SLC16A10: variants seen among roughly 807,000 people sequenced by gnomAD.
SLC16A10 encodes monocarboxylate transporter 10.
In SLC16A10, 27 loss-of-function variants were observed where a neutral mutation model predicts 40.0. The observed-to-expected ratio is 0.67, with a 90% CI of 0.50 to 0.93. SLC16A10 has a LOEUF of 0.93. Among genes scored for constraint, SLC16A10 ranks in the 40% least tolerant of loss-of-function variants. The probability of loss-of-function intolerance (pLI) is 0.00; values close to 1 mark genes in which losing one functional copy is unlikely to be tolerated. For synonymous variants in SLC16A10, 213 were observed against 249.8 expected (o/e 0.85, Z 1.39); for missense variants, 529 against 658.2 (o/e 0.80, Z 2.15).
intron 3 of SLC16A10, chr6:111,193,388 A>C (rs1428783792): frequency 4.6e-6 from 4 of 875,336 alleles, no homozygotes; most frequent in Admixed American, 6.2e-5. Flanking sequence ...GCATTCTCCT[A>C]CTTGAGATGA....
At position 111,168,023 on chromosome 6, in the gene SLC16A10, A is replaced by G. The variant is rs373961345; in HGVS notation, c.344-4672A>G. Among the ~76,000 whole-genome samples the G allele has an allele frequency of 1.4e-4, 21 of 151,028 alleles. 1 individual carries two copies. The East Asian group carries it at 1.8e-3, about 13-fold the overall frequency. ...GAAACAGAGTCTTACTCTCTTGCCCAGGCTGGAATGCAGTGGCACAGTCTC... is the reference window on the plus strand; with the variant it reads ...GAAACAGAGTCTTACTCTCTTGCCCGGGCTGGAATGCAGTGGCACAGTCTC... On this transcript the variant is annotated intron_variant, in intron 1 of 5. Coordinates refer to ENST00000368851, the MANE Select transcript of SLC16A10 (RefSeq NM_018593.5).
At chr6:111,147,029 T>TCTTTCTAATC (rs1406557163) in intron 1 of SLC16A10, among the ~76,000 whole-genome samples, 9 of 152,092 alleles carry the variant, frequency 5.9e-5, no homozygotes, top group African/African-American at 2.2e-4. Context: ...AGTAGATTAG[T>TCTTTCTAATC]AGTTGCCAAG....
intron 3 of SLC16A10, among the ~76,000 whole-genome samples, chr6:111,200,066 T>C (rs1773144499): frequency 6.6e-6 from 1 of 152,064 alleles, no homozygotes; most frequent in African/African-American, 2.4e-5. Flanking sequence ...CTTAATGAAA[T>C]GGAAAGATCT....
intron 1 of SLC16A10, among the ~76,000 whole-genome samples, chr6:111,161,337 A>G (rs1772368560): frequency 6.6e-6 from 1 of 151,606 alleles, no homozygotes. Context: ...AATCCAGTCC[A>G]TGGATTTGCC....
intron 1 of SLC16A10, among the ~76,000 whole-genome samples, chr6:111,096,280 C>T (rs1046947587): frequency 1.4e-4 from 21 of 152,304 alleles, no homozygotes; most frequent in African/African-American, 4.3e-4. Flanking sequence ...GAGTTATCAC[C>T]GCCTAGCTAG....
chr6:111,206,718 A>G lies in SLC16A10; in HGVS notation c.1069A>G (p.Lys357Glu), dbSNP rs1027671028. ...GATTGCAGATTATGTGCCTGGTGTG[A>G]AGAAGGTTTATCTACAGGTACTTTT... ...GRIADYVPGVKKVYLQVLSFF... is the reference protein window; with the variant it reads ...GRIADYVPGVEKVYLQVLSFF... Residue 357 changes from lysine (K) to glutamate (E), a missense_variant, in exon 4 of 6, where the codon AAG (lysine) becomes GAG (glutamate). Physicochemically the swap from Lys to Glu is moderately conservative, Grantham distance 56. Coordinates refer to ENST00000368851, the MANE Select transcript of SLC16A10 (RefSeq NM_018593.5). 1.9e-6 allele frequency: 3 copies of G among 1,613,956 alleles called. No individual in the cohort carries two copies. The African/African-American group carries it at 4.0e-5, about 22-fold the overall frequency.
At chr6:111,195,304 C>T (rs982993182) in intron 3 of SLC16A10, among the ~76,000 whole-genome samples, 6 of 152,122 alleles carry the variant, frequency 3.9e-5, no homozygotes, top group South Asian at 2.1e-4. Flanking sequence ...TGTATGGTTC[C>T]GCTTAGATGA....
At chr6:111,205,944 G>T (rs953522050) in intron 3 of SLC16A10, among the ~76,000 whole-genome samples, 3 of 152,216 alleles carry the variant, frequency 2.0e-5, no homozygotes, top group African/African-American at 7.2e-5. Context: ...AGCAGATAAT[G>T]TAACGGGTCC....
intron 1 of SLC16A10, among the ~76,000 whole-genome samples, chr6:111,142,202 C>T (rs2114504166): frequency 6.6e-6 from 1 of 152,188 alleles, no homozygotes; most frequent in Admixed American, 6.5e-5. Context: ...ATAGAGAGCC[C>T]AGAAATAGAC....
intron 3 of SLC16A10, among the ~76,000 whole-genome samples, chr6:111,200,309 T>C (rs2114576939): frequency 6.6e-6 from 1 of 152,330 alleles, no homozygotes; most frequent in East Asian, 1.9e-4. Flanking sequence ...AAAGGCACAG[T>C]TGATCAGATT....
intron 1 of SLC16A10, among the ~76,000 whole-genome samples, chr6:111,116,873 CAG>C (rs142069403): frequency 0.012 from 1,840 of 152,220 alleles, 26 homozygotes; most frequent in African/African-American, 0.043. Flanking sequence ...AAATGGCAGA[CAG>C]AAGGATGGGG....
intron 1 of SLC16A10, among the ~76,000 whole-genome samples, chr6:111,096,673 A>T (rs531366421): frequency 1.3e-5 from 2 of 152,330 alleles, no homozygotes; most frequent in African/African-American, 4.8e-5. Context: ...GGCTTGCCTT[A>T]TTTTCAAGTA....
At chr6:111,097,187 G>C (rs1424000585) in intron 1 of SLC16A10, among the ~76,000 whole-genome samples, 1 of 152,116 alleles carries the variant, frequency 6.6e-6, no homozygotes, top group Non-Finnish European at 1.5e-5. Flanking sequence ...TGGTACTTCA[G>C]AATTTTGTTG....
chr6:111,169,810 C>A (rs182208352), intron 1 of SLC16A10, among the ~76,000 whole-genome samples: 347 of 152,070 alleles, frequency 2.3e-3, no homozygotes, highest in African/African-American at 7.8e-3. Flanking sequence ...AGTGCTTATT[C>A]AATAGACACA....
chr6:111,194,120 T>TTGAGTTTATAGGCTAGC, intron 3 of SLC16A10, among the ~76,000 whole-genome samples: 1 of 152,294 alleles, frequency 6.6e-6, no homozygotes, highest in East Asian at 1.9e-4. Flanking sequence ...TGATTTCAGG[T>TTGAGTTTATAGGCTAGC]TGAGTTTATA....
At chr6:111,180,288 A>C (rs549565630) in intron 3 of SLC16A10, among the ~76,000 whole-genome samples, 1 of 152,230 alleles carries the variant, frequency 6.6e-6, no homozygotes, top group Admixed American at 6.5e-5. Flanking sequence ...TCACGCCTAT[A>C]ATCTCACCAC....
chr6:111,190,342 T>A (rs1772969189), intron 3 of SLC16A10, among the ~76,000 whole-genome samples: 1 of 152,218 alleles, frequency 6.6e-6, no homozygotes, highest in Non-Finnish European at 1.5e-5. Flanking sequence ...GCTGCTTTCA[T>A]GGGCTGGCAT....
At chr6:111,207,007 T>G (rs139780581) in intron 4 of SLC16A10, among the ~76,000 whole-genome samples, 3,731 of 152,258 alleles carry the variant, frequency 0.025, 136 homozygotes, top group African/African-American at 0.085. Flanking sequence ...TTTTGTATTT[T>G]TTTAGTAGAG....
At chr6:111,090,656 T>C (rs987178424) in intron 1 of SLC16A10, among the ~76,000 whole-genome samples, 5 of 152,218 alleles carry the variant, frequency 3.3e-5, no homozygotes, top group Non-Finnish European at 7.3e-5. Flanking sequence ...CAAAGGTGTT[T>C]CATGAAGTCC....
Sources: gnomAD v4.1 joint callset for allele counts (sites outside exome capture counted in the v4.1 genomes callset) on GRCh38, gnomAD v4.1.1 for gene constraint, MANE v1.5 for transcripts, NCBI Gene and HGNC (gene_info 2026-07-23, HGNC 2026-07-21) for gene names.